The following NT5C2 variants were observed in gnomAD, a reference collection of about 807,000 sequenced individuals.
NT5C2 encodes cytosolic purine 5'-nucleotidase.
In NT5C2, 58 loss-of-function variants were observed where a neutral mutation model predicts 76.1. The ratio of observed to expected loss-of-function variants is 0.76; its 90% CI spans 0.62 to 0.95. The LOEUF is 0.95. Ranked by LOEUF, NT5C2 falls within the 40% of genes least tolerant of loss-of-function variation. NT5C2 has a pLI of 0.00. For synonymous variants in NT5C2, 229 were observed against 237.4 expected (o/e 0.96, Z 0.32); for missense variants, 478 against 690.3 (o/e 0.69, Z 3.45).
At position 103,174,857 on chromosome 10, in the gene NT5C2, C is replaced by T; in HGVS notation, c.101+1G>A. ...GAGGATTAAATAGACAAAATACTTA[C>T]CGATGATAGGCTTCTCGACGATACT... is the stretch of plus-strand genomic sequence containing the variant. On this transcript the variant is annotated splice_donor_variant, in intron 3 of 18. Coordinates refer to ENST00000404739, the MANE Select transcript of NT5C2 (RefSeq NM_001351169.2). LOFTEE classifies it high-confidence loss of function. 1 of 1,601,436 alleles carries T rather than the reference C, an allele frequency of 6.2e-7. No individual in the cohort carries two copies. The highest frequency in any genetic ancestry group is 8.6e-7 in the Non-Finnish European group (1 of 1,168,998).
At chr10:103,144,714 A>C (rs2081177745) in intron 3 of NT5C2, among the ~76,000 whole-genome samples, 1 of 152,196 alleles carries the variant, frequency 6.6e-6, no homozygotes. Context: ...CAATCAACAC[A>C]TTCATTGTCT....
intron 4 of NT5C2, among the ~76,000 whole-genome samples, chr10:103,120,040 A>G (rs1352088880): frequency 6.6e-6 from 1 of 152,024 alleles, no homozygotes. Context: ...CAGAGGTTGC[A>G]GTGAGCTGAG....
Position 103,099,131 on chromosome 10 carries a change from G to A in NT5C2, c.634-147C>T. The A allele has an allele frequency of 4.5e-6, 3 of 670,266 alleles. No homozygotes were observed. The South Asian group carries it at 5.0e-5, about 11-fold the overall frequency. The allele number at this position is 670,266 out of a possible 1,614,324, so 41.5% of individuals were successfully genotyped here. ...CCTGTTGCCCATGCTAGAGTGCAGT[G>A]GTACAATCTCAGCTCACTGCAGCCT... On this transcript the variant is annotated intron_variant, in intron 9 of 18. Transcript: ENST00000404739.
intron 4 of NT5C2, among the ~76,000 whole-genome samples, chr10:103,125,706 C>A (rs2076532661): frequency 6.6e-6 from 1 of 152,054 alleles, no homozygotes; most frequent in Non-Finnish European, 1.5e-5. Context: ...TCTGTTTATG[C>A]CTATTTGCCA....
At chr10:103,153,969 C>T (rs186401316) in intron 3 of NT5C2, among the ~76,000 whole-genome samples, 2 of 152,134 alleles carry the variant, frequency 1.3e-5, no homozygotes, top group East Asian at 1.9e-4. Context: ...TTCACTTAAT[C>T]GCCTGAAAAT....
intron 6 of NT5C2, among the ~76,000 whole-genome samples, chr10:103,102,521 TTTC>T (rs1323261888): frequency 3.3e-5 from 5 of 151,890 alleles, no homozygotes; most frequent in Non-Finnish European, 4.4e-5. Context: ...CTCAGAATTT[TTTC>T]TTTTTTCTTT....
chr10:103,189,341 C>T (rs1386857323), intron 1 of NT5C2, among the ~76,000 whole-genome samples: 2 of 152,082 alleles, frequency 1.3e-5, no homozygotes, highest in Non-Finnish European at 2.9e-5. Context: ...GGCGTGGTAG[C>T]TCACGCCTGT....
chr10:103,181,006 C>T (rs922797420), intron 2 of NT5C2, among the ~76,000 whole-genome samples, 179 bp downstream of exon 2: 6 of 151,964 alleles, frequency 3.9e-5, no homozygotes, highest in Admixed American at 1.3e-4. Flanking sequence ...GAACACAGAC[C>T]AGTGGTTCCC....
chr10:103,116,363 C>T (rs1019410850), intron 4 of NT5C2, among the ~76,000 whole-genome samples: 5 of 152,118 alleles, frequency 3.3e-5, no homozygotes, highest in Admixed American at 2.6e-4. Context: ...AAAGTTTTAA[C>T]ATTGTTCTTT....
intron 3 of NT5C2, among the ~76,000 whole-genome samples, chr10:103,159,651 T>TAA (rs1415676654): frequency 3.1e-4 from 42 of 134,590 alleles, no homozygotes; most frequent in Non-Finnish European, 5.3e-4. Context: ...CCTGTCTCTT[T>TAA]AAAAAAAAAA....
Position 103,109,906 on chromosome 10 carries a change from A to C in NT5C2, c.176-3200T>G, listed in dbSNP as rs1268177789. ...ACAAATCCTAGAATAGCAGAAAATAAAAACACTATACTTGCCACATTATAT... is the reference window on the plus strand; with the variant it reads ...ACAAATCCTAGAATAGCAGAAAATACAAACACTATACTTGCCACATTATAT... On this transcript the variant is annotated intron_variant, in intron 4 of 18. Coordinates refer to ENST00000404739, the MANE Select transcript of NT5C2 (RefSeq NM_001351169.2). 2.6e-5 allele frequency among the ~76,000 whole-genome samples: 4 copies of C among 152,376 alleles called. No homozygotes were observed. The East Asian group carries it at 7.7e-4, about 29-fold the overall frequency.
At chr10:103,126,796 A>G (rs2076747889) in intron 4 of NT5C2, among the ~76,000 whole-genome samples, 1 of 152,168 alleles carries the variant, frequency 6.6e-6, no homozygotes, top group Non-Finnish European at 1.5e-5. Flanking sequence ...GCACAGGTCC[A>G]CTTATATGCG....
At chr10:103,136,543 A>G (rs1040511142) in intron 4 of NT5C2, among the ~76,000 whole-genome samples, 5 of 152,150 alleles carry the variant, frequency 3.3e-5, no homozygotes, top group Non-Finnish European at 7.3e-5. Flanking sequence ...AGGAGAAAGC[A>G]TTAAAATACG....
At chr10:103,125,515 A>G (rs1461056257) in intron 4 of NT5C2, 1 of 192,208 alleles carries the variant, frequency 5.2e-6, no homozygotes, top group African/African-American at 2.4e-5. Flanking sequence ...TGCTTCTTGA[A>G]GAAACCACAT....
chr10:103,092,475 C>T (rs1327595394), intron 15 of NT5C2, among the ~76,000 whole-genome samples: 1 of 152,182 alleles, frequency 6.6e-6, no homozygotes, highest in South Asian at 2.1e-4. Context: ...ACTTGCCTAA[C>T]GGCATGCAGA....
intron 3 of NT5C2, among the ~76,000 whole-genome samples, chr10:103,150,999 T>C (rs1411929026): frequency 1.3e-5 from 2 of 152,196 alleles, no homozygotes; most frequent in Admixed American, 1.3e-4. Flanking sequence ...TCTAACAATT[T>C]TTATTCAGTT....
chr10:103,127,320 T>G (rs1453543717), intron 4 of NT5C2, among the ~76,000 whole-genome samples: 1 of 152,236 alleles, frequency 6.6e-6, no homozygotes, highest in Non-Finnish European at 1.5e-5. Flanking sequence ...AACAAGATTT[T>G]TGCATATTTT....
In NT5C2 at chr10:103,088,844, T is replaced by A; in HGVS notation, c.*828A>T. On this transcript the variant is annotated 3_prime_UTR_variant, in exon 19 of 19. Coordinates refer to ENST00000404739, the MANE Select transcript of NT5C2 (RefSeq NM_001351169.2). The stretch of plus-strand genomic sequence containing the variant: ...CAAAGAAATCTGGAATTGGGTAGCA[T>A]GAGCCACAGCTATATAGCCCACACT... 5.0e-6 allele frequency: 1 copy of A among 198,040 alleles called. No homozygotes were observed. Among genetic ancestry groups the A allele is most frequent in the Non-Finnish European group, 1.0e-5 (1 of 95,590 alleles). The allele number at this position is 198,040 out of a possible 1,614,324, so 12.3% of individuals were successfully genotyped here. A position where few individuals can be genotyped will look rare whatever the true frequency, so the allele number is the denominator to read the frequency against.
At chr10:103,129,784 C>A in intron 4 of NT5C2, among the ~76,000 whole-genome samples, 1 of 115,230 alleles carries the variant, frequency 8.7e-6, no homozygotes, top group African/African-American at 3.3e-5. Flanking sequence ...GGCCAGCCGC[C>A]CCGTCCGGGA....
Sources: gnomAD v4.1 joint callset for allele counts (sites outside exome capture counted in the v4.1 genomes callset) on GRCh38, gnomAD v4.1.1 for gene constraint, MANE v1.5 for transcripts, NCBI Gene and HGNC (gene_info 2026-07-23, HGNC 2026-07-21) for gene names.